The following DNAH5 variants were observed in gnomAD, a reference collection of about 807,000 sequenced individuals.
DNAH5 encodes axonemal beta dynein heavy chain 5.
Under a neutral mutation model 518.2 loss-of-function variants are expected in DNAH5, and 372 were observed. The ratio of observed to expected loss-of-function variants is 0.72; its 90% CI spans 0.66 to 0.78. The LOEUF is 0.78. Among genes scored for constraint, DNAH5 ranks in the 30% least tolerant of loss-of-function variants. The pLI is 0.00. For synonymous variants in DNAH5, 2,039 were observed against 2,025.9 expected, an observed-to-expected ratio of 1.01 and a Z score of -0.17; for missense variants, 5,523 against 5,687.0, an observed-to-expected ratio of 0.97 and a Z score of 0.93.
intron 75 of DNAH5, 98 bp downstream of exon 75, chr5:13,714,307 C>G: frequency 7.7e-7 from 1 of 1,301,372 alleles, no homozygotes; most frequent in Non-Finnish European, 1.1e-6. Flanking sequence ...TTTTTAATTT[C>G]AGGAAAATCA....
At chr5:13,960,243 G>C (rs1781083937) in intron 1 of DNAH5, among the ~76,000 whole-genome samples, 1 of 152,164 alleles carries the variant, frequency 6.6e-6, no homozygotes, top group East Asian at 1.9e-4. Context: ...AGCAAGGTGA[G>C]GAGAAACGAG....
At position 13,777,244 on chromosome 5, in the gene DNAH5, CTCA is replaced by C; in HGVS notation, c.9060_9062del (p.Asp3020del). 1 of 1,612,986 alleles carries C rather than the reference CTCA, an allele frequency of 6.2e-7. No individual in the cohort carries two copies. The highest frequency in any genetic ancestry group is 8.5e-7 in the Non-Finnish European group (1 of 1,179,348). On this transcript the variant is annotated inframe_deletion, in exon 54 of 79. Transcript: ENST00000265104. ...CATTGTTCATATATTCCAAAAATGA[CTCA>C]TCTTTAATCTCATTGTCTGTGAAAA...
intron 47 of DNAH5, among the ~76,000 whole-genome samples, chr5:13,798,870 G>A (rs919022537): frequency 5.9e-5 from 9 of 151,696 alleles, no homozygotes; most frequent in South Asian, 2.1e-4. Flanking sequence ...GGGTTCAAGC[G>A]ATTCTCCTGC....
At chr5:13,957,540 T>G (rs1380331782) in intron 1 of DNAH5, among the ~76,000 whole-genome samples, 1 of 152,036 alleles carries the variant, frequency 6.6e-6, no homozygotes, top group Non-Finnish European at 1.5e-5. Context: ...ATTTTCTCTA[T>G]CTATATCATA....
Position 13,815,393 on chromosome 5 carries a change from ATGTT to A in DNAH5, c.6989-551_6989-548del, listed in dbSNP as rs574200219. On this transcript the variant is annotated intron_variant, in intron 42 of 78. Transcript: ENST00000265104. The stretch of plus-strand genomic sequence containing the variant: ...GGCTTAGTGTAATACAATGGACTGA[ATGTT>A]TGTGTTCCCCTAAAATATCCTCATG... Among the ~76,000 whole-genome samples, 11 of 152,326 alleles carry A rather than the reference ATGTT, an allele frequency of 7.2e-5. No homozygotes were observed. In the East Asian group the frequency reaches 1.5e-3, roughly 21 times the overall value.
rs757642030 is a variant in DNAH5, at chr5:13,753,449, G to A, written c.10656C>T (p.Ala3552=). ...GGTTCTTTCCAAATGGAATTTTCCGGGCTTTCATTTCCTTCCGCCAGTCAT... is the reference window on the plus strand; with the variant it reads ...GGTTCTTTCCAAATGGAATTTTCCGAGCTTTCATTTCCTTCCGCCAGTCAT... The part of the protein sequence containing the change: ...LLNDWRKEMK[A]RKIPFGKNLN... The change falls in exon 63 of 79, where the codon GCC becomes GCT. Residue 3552 remains alanine (A), a synonymous_variant. Transcript: ENST00000265104. 3 of 1,613,768 alleles carry A rather than the reference G, an allele frequency of 1.9e-6. No homozygotes were observed. The highest frequency in any genetic ancestry group is 2.5e-6 in the Non-Finnish European group (3 of 1,179,910).
At chr5:13,789,153 T>C (rs1019420746) in intron 50 of DNAH5, among the ~76,000 whole-genome samples, 2 of 152,306 alleles carry the variant, frequency 1.3e-5, no homozygotes, top group East Asian at 3.9e-4. Context: ...AACAATAATA[T>C]TGAAAATTGC....
chr5:13,762,834 T>C lies in DNAH5; in HGVS notation c.10169A>G (p.Asp3390Gly). 1 of 1,614,028 alleles carries C rather than the reference T, an allele frequency of 6.2e-7. No individual in the cohort carries two copies. The highest frequency in any genetic ancestry group is 2.2e-5 in the East Asian group (1 of 44,882). ...EFLSPYFEMPDYNIETAKRVC... is the reference protein window; with the variant it reads ...EFLSPYFEMPGYNIETAKRVC... ...GCGTTTAGCAGTTTCGATGTTATAG[T>C]CAGGCATTTCAAAGTAAGGACTCAA... The change falls in exon 60 of 79, where the codon GAC becomes GGC. Residue 3390 changes from aspartate to glycine, a missense_variant. Asp to Gly is a moderately conservative substitution (Grantham distance 94, BLOSUM62 -1). Coordinates refer to ENST00000265104, the MANE Select transcript of DNAH5 (RefSeq NM_001369.3).
At chr5:13,781,283 T>C (rs1183946134) in intron 52 of DNAH5, among the ~76,000 whole-genome samples, 1 of 152,212 alleles carries the variant, frequency 6.6e-6, no homozygotes, top group Non-Finnish European at 1.5e-5. Context: ...TGAGGATTCC[T>C]GTTAGTTGGT....
intron 30 of DNAH5, among the ~76,000 whole-genome samples, chr5:13,855,302 G>A (rs1424646152): frequency 3.7e-5 from 2 of 53,674 alleles, no homozygotes; most frequent in African/African-American, 6.2e-5. Context: ...TCCGCCTCCC[G>A]GGTTCACGCC....
intron 1 of DNAH5, among the ~76,000 whole-genome samples, chr5:14,008,764 G>T (rs1289795485): frequency 6.6e-6 from 1 of 152,222 alleles, no homozygotes; most frequent in Non-Finnish European, 1.5e-5. Context: ...AACATAGTAG[G>T]TACTTAATAA....
intron 53 of DNAH5, among the ~76,000 whole-genome samples, chr5:13,778,676 A>G (rs958624313): frequency 1.3e-5 from 2 of 152,208 alleles, no homozygotes; most frequent in African/African-American, 2.4e-5. Flanking sequence ...GAAATTTTCA[A>G]CCCGATCTCT....
intron 12 of DNAH5, 123 bp downstream of exon 12, chr5:13,911,263 G>T (rs1187705183): frequency 4.0e-6 from 3 of 751,600 alleles, no homozygotes; most frequent in African/African-American, 3.5e-5. Flanking sequence ...GGCTGAGGTT[G>T]CTATCGGTCA....
At chr5:13,994,678 C>T (rs1033663802) in intron 1 of DNAH5, among the ~76,000 whole-genome samples, 4 of 152,144 alleles carry the variant, frequency 2.6e-5, no homozygotes, top group African/African-American at 7.2e-5. Context: ...TAAGCTTAAA[C>T]GGAAGGGGAA....
chr5:13,971,039 C>T (rs1781827879), intron 1 of DNAH5, among the ~76,000 whole-genome samples: 1 of 152,030 alleles, frequency 6.6e-6, no homozygotes, highest in African/African-American at 2.4e-5. Flanking sequence ...TGTTTTCAAG[C>T]TCTGAAGTTC....
chr5:13,694,698 A>T (rs1354397327), intron 78 of DNAH5, among the ~76,000 whole-genome samples: 1 of 152,158 alleles, frequency 6.6e-6, no homozygotes, highest in African/African-American at 2.4e-5. Context: ...ATCCAAAATA[A>T]TCGTTACATA....
At chr5:13,987,684 C>A (rs114838675) in intron 1 of DNAH5, among the ~76,000 whole-genome samples, 1 of 151,914 alleles carries the variant, frequency 6.6e-6, no homozygotes, top group African/African-American at 2.4e-5. Context: ...GAAACCCCGT[C>A]TCTACTAAAA....
upstream of DNAH5, among the ~76,000 whole-genome samples, chr5:13,946,347 C>G (rs569512158): frequency 1.3e-5 from 2 of 152,124 alleles, no homozygotes; most frequent in Non-Finnish European, 2.9e-5. Flanking sequence ...AACCGGGAAG[C>G]CTTCCAGTCT....
chr5:13,850,591 G>A (rs920130612), intron 31 of DNAH5, 61 bp downstream of exon 31: 22 of 1,496,320 alleles, frequency 1.5e-5, no homozygotes, highest in Middle Eastern at 2.0e-4. Flanking sequence ...ATGCTATCTA[G>A]TCTCCCTGTA....
Sources: allele counts gnomAD v4.1 joint callset (sites outside exome capture counted in the v4.1 genomes callset), GRCh38; gene constraint gnomAD v4.1.1; transcripts MANE v1.5; gene names NCBI Gene and HGNC (gene_info 2026-07-23, HGNC 2026-07-21).